Variants in PARP15 observed in about 807,000 individuals in gnomAD.
PARP15 encodes protein mono-ADP-ribosyltransferase PARP15.
A neutral mutation model predicts 62.1 loss-of-function variants in PARP15; 50 were observed. The ratio of observed to expected loss-of-function variants is 0.81; its 90% confidence interval spans 0.64 to 1.02. The LOEUF is 1.02. PARP15 is among the 50% of genes least tolerant of loss of function. The pLI, the probability that PARP15 is intolerant of heterozygous loss-of-function variation, is 0.00. For missense variants in PARP15, 820 were observed against 826.5 expected (o/e 0.99, Z 0.10); for synonymous variants, 309 against 293.1 (o/e 1.05, Z -0.55).
At chr3:122,630,118 A>G (rs1489404334) in intron 9 of PARP15, among the ~76,000 whole-genome samples, 1 of 152,174 alleles carries the variant, frequency 6.6e-6, no homozygotes, top group East Asian at 1.9e-4. Flanking sequence ...TAGCACATGG[A>G]AACACTTTTA....
intron 1 of PARP15, 146 bp downstream of exon 1, chr3:122,577,999 G>A (rs772811382): frequency 9.4e-5 from 72 of 767,052 alleles, no homozygotes; most frequent in Non-Finnish European, 1.3e-4. Context: ...TGACTTCCCT[G>A]TTCCGGAAGA....
chr3:122,626,799 C>CAAAG, intron 8 of PARP15, 28 bp from the exon 9 acceptor site: 1 of 1,598,834 alleles, frequency 6.3e-7, no homozygotes, highest in African/African-American at 1.3e-5. Flanking sequence ...TCGGGGGAAA[C>CAAAG]TTCTTTGTCA....
intron 11 of PARP15, 117 bp downstream of exon 11, chr3:122,635,311 CTCA>C: frequency 2.2e-6 from 2 of 900,892 alleles, no homozygotes; most frequent in Non-Finnish European, 3.3e-6. Flanking sequence ...CAGAATAGAG[CTCA>C]CTGTGTTTCA....
Position 122,602,494 on chromosome 3 carries a change from C to T in PARP15, c.187-3442C>T, listed in dbSNP as rs566309644. On this transcript the variant is annotated intron_variant, in intron 1 of 11. Transcript: ENST00000464300. ...CTATCTTCATCTCTCACTTCCTACA[C>T]GTTTCTCCTGCGGGCACAACCTTAA... is the stretch of plus-strand genomic sequence containing the variant. Among the ~76,000 whole-genome samples, 12 of 152,354 alleles carry T rather than the reference C, an allele frequency of 7.9e-5. No individual in the cohort carries two copies. The South Asian group carries it at 2.5e-3, about 32-fold the overall frequency.
chr3:122,583,756 T>C (rs1473792520), intron 1 of PARP15, among the ~76,000 whole-genome samples: 1 of 152,174 alleles, frequency 6.6e-6, no homozygotes. Flanking sequence ...CCATAAGAAT[T>C]ATGAGATTTT....
intron 9 of PARP15, among the ~76,000 whole-genome samples, chr3:122,627,973 CCCACACAT>C (rs1936839066): frequency 1.3e-5 from 2 of 152,190 alleles, no homozygotes; most frequent in Non-Finnish European, 2.9e-5. Context: ...TATTATAAAG[CCCACACAT>C]TCCTGGGTTC....
chr3:122,608,213 C>CTTTTTTTTTTTTTTTTTTTTTTTTTT (rs71136576), intron 2 of PARP15, among the ~76,000 whole-genome samples: 1 of 113,914 alleles, frequency 8.8e-6, no homozygotes, highest in Non-Finnish European at 1.8e-5. Context: ...TTTCTCTTTT[C>CTTTTTTTTTTTTTTTTTTTTTTTTTT]TTTTTTTTTT....
At chr3:122,614,118 G>A (rs1476436187) in intron 4 of PARP15, among the ~76,000 whole-genome samples, 1 of 152,152 alleles carries the variant, frequency 6.6e-6, no homozygotes, top group African/African-American at 2.4e-5. Flanking sequence ...GATTACAGGC[G>A]TGAGCCACTG....
At position 122,606,734 on chromosome 3, in the gene PARP15, G is replaced by A. The variant is rs1293710634; in HGVS notation, c.306+679G>A. Among the ~76,000 whole-genome samples, 4 of 152,284 alleles carry A rather than the reference G, an allele frequency of 2.6e-5. No homozygotes were observed. The South Asian group carries it at 8.3e-4, about 32-fold the overall frequency. ...AATTGGTCAGGGATGTGGTGTAGGC[G>A]ACAATAGTTTTTGAAAGCATTCCAA... On this transcript the variant is annotated intron_variant, in intron 2 of 11. Coordinates refer to ENST00000464300, the MANE Select transcript of PARP15 (RefSeq NM_001113523.3).
At position 122,615,834 on chromosome 3, in the gene PARP15, T is replaced by A; in HGVS notation, c.827T>A (p.Ile276Asn). The A allele has an allele frequency of 6.2e-7, 1 of 1,613,444 alleles. No homozygotes were observed. Among genetic ancestry groups the A allele is most frequent in the Non-Finnish European group, 8.5e-7 (1 of 1,179,626 alleles). ...AGAATAAATCCCAACAAGGCCAGGA[T>A]TCCCATGGCAGGAGATACCCAAGGT... ...WSRINPNKAR[I>N]PMAGDTQGVV... Residue 276 changes from isoleucine (I) to asparagine (N), a missense_variant, in exon 5 of 12, where the codon ATT becomes AAT. Ile to Asn is a moderately radical substitution (Grantham distance 149). Around this residue, in one of 3 missense-constraint regions of PARP15, gnomAD observed 731 missense variants for 727.7 expected, o/e 1.00. Coordinates refer to ENST00000464300, the MANE Select transcript of PARP15 (RefSeq NM_001113523.3).
chr3:122,621,576 A>C lies in PARP15; in HGVS notation c.1196A>C (p.Lys399Thr). The C allele has an allele frequency of 6.2e-7, 1 of 1,605,730 alleles. No individual in the cohort carries two copies. Among genetic ancestry groups the C allele is most frequent in the Non-Finnish European group, 8.5e-7 (1 of 1,177,532 alleles). The part of the protein sequence containing the change: ...TSVLEECEQR[K>T]YTSVSLPAIG... ...GTTCTAGAAGAGTGTGAACAGAGGAAGTACACATCGGTTTCCCTTCCAGCC... is the reference window on the plus strand; with the variant it reads ...GTTCTAGAAGAGTGTGAACAGAGGACGTACACATCGGTTTCCCTTCCAGCC... The change falls in exon 8 of 12, where the codon AAG becomes ACG. Residue 399 changes from lysine to threonine, a missense_variant. Around this residue, in one of 3 missense-constraint regions of PARP15, gnomAD observed 731 missense variants for 727.7 expected, o/e 1.00. Transcript: ENST00000464300.
chr3:122,589,545 A>G (rs1006971465), intron 1 of PARP15, among the ~76,000 whole-genome samples: 29 of 152,266 alleles, frequency 1.9e-4, no homozygotes, highest in African/African-American at 6.7e-4. Context: ...TCCACCAGCA[A>G]TGTGTCTTTT....
intron 1 of PARP15, among the ~76,000 whole-genome samples, chr3:122,579,041 C>T (rs901996172): frequency 2.6e-5 from 4 of 152,050 alleles, no homozygotes; most frequent in Admixed American, 2.6e-4. Flanking sequence ...ACTTTTTAAA[C>T]TTTTTTGTGT....
chr3:122,621,218 C>T (rs998056273), intron 7 of PARP15: 3 of 462,830 alleles, frequency 6.5e-6, no homozygotes, highest in East Asian at 3.8e-5. Context: ...AGATAAAGTA[C>T]TTTTGAACAG....
chr3:122,612,329 A>G (rs976979398), intron 3 of PARP15, among the ~76,000 whole-genome samples: 2 of 150,848 alleles, frequency 1.3e-5, no homozygotes, highest in African/African-American at 4.9e-5. Context: ...TGCTGGGATT[A>G]CAGGTGTGAA....
chr3:122,578,649 C>T (rs760237454), intron 1 of PARP15, among the ~76,000 whole-genome samples: 5 of 151,830 alleles, frequency 3.3e-5, no homozygotes, highest in Non-Finnish European at 5.9e-5. Flanking sequence ...GCTAGTCTTC[C>T]TAGAGAGTGC....
chr3:122,600,053 A>G (rs1436582211), intron 1 of PARP15, among the ~76,000 whole-genome samples: 2 of 152,258 alleles, frequency 1.3e-5, no homozygotes, highest in Non-Finnish European at 2.9e-5. Flanking sequence ...AATAACAGGT[A>G]TGAATTGTGT....
intron 4 of PARP15, among the ~76,000 whole-genome samples, chr3:122,613,651 G>A (rs892160438): frequency 2.0e-5 from 3 of 152,142 alleles, no homozygotes; most frequent in Admixed American, 6.5e-5. Context: ...ACAAGTCTGT[G>A]AGTGTCTACA....
chr3:122,582,572 T>C (rs973856081), intron 1 of PARP15, among the ~76,000 whole-genome samples: 1 of 152,248 alleles, frequency 6.6e-6, no homozygotes, highest in African/African-American at 2.4e-5. Flanking sequence ...ATTCTTATCT[T>C]TACCCTTCTG....
Sources: allele counts gnomAD v4.1 joint callset (sites outside exome capture counted in the v4.1 genomes callset), GRCh38; gene constraint gnomAD v4.1.1; regional missense constraint gnomAD v4.1.1; transcripts MANE v1.5; gene names NCBI Gene and HGNC (gene_info 2026-07-23, HGNC 2026-07-21).